The following MYO1H variants were observed in gnomAD, a reference collection of about 807,000 sequenced individuals.
The protein encoded by MYO1H is myosin IH.
Under a neutral mutation model 149.3 loss-of-function variants are expected in MYO1H, and 118 were observed. That is an observed-to-expected ratio of 0.79 (90% CI 0.68 to 0.92). MYO1H has a LOEUF of 0.92. Ranked by LOEUF, MYO1H falls within the 40% of genes least tolerant of loss-of-function variation. The probability of loss-of-function intolerance (pLI) is 0.00; values close to 1 mark genes in which losing one functional copy is unlikely to be tolerated. For missense variants in MYO1H, 1,212 were observed against 1,280.7 expected (o/e 0.95, Z 0.82); for synonymous variants, 447 against 465.2 (o/e 0.96, Z 0.50).
At chr12:109,403,954 TTAAG>T in intron 6 of MYO1H, 24 bp from the exon 7 acceptor site, 1 of 1,527,718 alleles carries the variant, frequency 6.5e-7, no homozygotes, top group African/African-American at 1.4e-5. Context: ...AAAAATGACA[TTAAG>T]TGACTCAAAC....
intron 14 of MYO1H, among the ~76,000 whole-genome samples, chr12:109,413,931 A>C (rs532319812): frequency 2.0e-5 from 3 of 152,046 alleles, no homozygotes; most frequent in Non-Finnish European, 4.4e-5. Context: ...AAAGGACTAC[A>C]TTCTATATAA....
exon 6 of MYO1H, chr12:109,401,252 C>G: frequency 6.2e-7 from 1 of 1,612,680 alleles, no homozygotes; most frequent in Non-Finnish European, 8.5e-7. Flanking sequence ...AGACCCCCAG[C>G]TGTATAAATA....
At chr12:109,446,058 TAAGA>T (rs1872466667) in intron 31 of MYO1H, 1 of 985,058 alleles carries the variant, frequency 1.0e-6, no homozygotes, top group African/African-American at 1.7e-5. Flanking sequence ...GAAAAATATG[TAAGA>T]AAGAAATGTG....
intron 28 of MYO1H, 64 bp from the exon 29 acceptor site, chr12:109,444,149 T>C: frequency 7.8e-7 from 1 of 1,286,568 alleles, no homozygotes; most frequent in Non-Finnish European, 1.1e-6. Context: ...GGCGTATCTC[T>C]TCTTCCTCTG....
chr12:109,393,189 C>T (rs958092966), intron 2 of MYO1H, 142 bp from the exon 3 acceptor site: 2 of 620,494 alleles, frequency 3.2e-6, no homozygotes, highest in African/African-American at 3.7e-5. Flanking sequence ...CCTCATACAC[C>T]TGCCATGTAA....
chr12:109,406,110 C>A, intron 8 of MYO1H, 75 bp downstream of exon 8: 2 of 953,256 alleles, frequency 2.1e-6, no homozygotes, highest in Non-Finnish European at 3.3e-6. Context: ...TGGGTGCCCA[C>A]AGTTAGGCCC....
the MYO1H span, among the ~76,000 whole-genome samples, chr12:109,316,877 A>C: frequency 1.3e-5 from 2 of 152,170 alleles, no homozygotes; most frequent in African/African-American, 4.8e-5. Flanking sequence ...AAACCTACCA[A>C]GTGCATATAT....
In MYO1H at chr12:109,364,171, TAA is replaced by T. The variant is rs746308903; in HGVS notation, c.12+16225_12+16226del. ...GGGCAACAGAGAGAGACCATGTCTT[TAA>T]AAAAAAAAAAAAAAAAAAAAAAAAA... On this transcript the variant is annotated intron_variant, in intron 1 of 31. Transcript: ENST00000310903. 6.3e-3 allele frequency among the ~76,000 whole-genome samples: 572 copies of T among 90,254 alleles called. 10 individuals are homozygous for T. The highest frequency in any genetic ancestry group is 0.021 in the African/African-American group (521 of 25,062). The allele number at this position is 90,254 out of a possible 152,430, so 59.2% of individuals were successfully genotyped here. A position where few individuals can be genotyped will look rare whatever the true frequency, so the allele number is the denominator to read the frequency against.
chr12:109,382,786 T>TTG (rs1402088589), intron 1 of MYO1H, among the ~76,000 whole-genome samples: 1 of 151,368 alleles, frequency 6.6e-6, no homozygotes, highest in Non-Finnish European at 1.5e-5. Context: ...TATATTGAGT[T>TTG]TGTTGTACTT....
chr12:109,390,722 T>A (rs1244984835), intron 2 of MYO1H, among the ~76,000 whole-genome samples: 1 of 151,784 alleles, frequency 6.6e-6, no homozygotes, highest in Non-Finnish European at 1.5e-5. Flanking sequence ...TGGGGTGCAG[T>A]GGCCCCGATC....
intron 18 of MYO1H, 62 bp from the exon 19 acceptor site, chr12:109,427,407 G>A: frequency 1.8e-6 from 2 of 1,091,458 alleles, no homozygotes; most frequent in Non-Finnish European, 2.8e-6. Context: ...CCTGTGATCT[G>A]CCTTGGTTGA....
intron 31 of MYO1H, 21 bp downstream of exon 31, chr12:109,445,633 G>A (rs1264533643): frequency 1.2e-6 from 2 of 1,603,460 alleles, no homozygotes; most frequent in Non-Finnish European, 1.7e-6. Flanking sequence ...GTCTCTGGGA[G>A]GGAAGTAAGC....
At chr12:109,408,034 G>A (rs1870479044) in intron 10 of MYO1H, 121 bp downstream of exon 10, 2 of 1,234,216 alleles carry the variant, frequency 1.6e-6, no homozygotes, top group African/African-American at 1.5e-5. Context: ...CAGAGATGGT[G>A]TCTTTCCCTA....
At chr12:109,378,334 T>TA (rs200108972) in intron 1 of MYO1H, among the ~76,000 whole-genome samples, 11,115 of 151,964 alleles carry the variant, frequency 0.073, 468 homozygotes, top group Middle Eastern at 0.12. Context: ...TTTATTTATT[T>TA]TTTTGAGATA....
chr12:109,445,599 G>A (rs1156546143), exon 31 of MYO1H: 1 of 1,612,428 alleles, frequency 6.2e-7, no homozygotes, highest in Non-Finnish European at 8.5e-7. Flanking sequence ...AATAAAAATG[G>A]ACAATTAACA....
At position 109,443,498 on chromosome 12, in the gene MYO1H, C is replaced by A; in HGVS notation, c.2689-16C>A. ...TCTGCCCCACCTTCCCTGGTGAAGT[C>A]ACCTTCCCCTTGCAGTATGGTGTCC... is the stretch of plus-strand genomic sequence containing the variant. On this transcript the variant is annotated splice_polypyrimidine_tract_variant and intron_variant, in intron 27 of 31. Coordinates refer to ENST00000310903, the Ensembl canonical transcript of MYO1H. The A allele has an allele frequency of 6.2e-7, 1 of 1,611,268 alleles. No individual in the cohort carries two copies.
At chr12:109,326,646 T>C in the MYO1H span, among the ~76,000 whole-genome samples, 1 of 151,520 alleles carries the variant, frequency 6.6e-6, no homozygotes, top group Admixed American at 6.6e-5. Context: ...CTCAGCCTCC[T>C]GAGTAGCCGG....
At chr12:109,324,300 C>T in the MYO1H span, among the ~76,000 whole-genome samples, 5,841 of 152,216 alleles carry the variant, frequency 0.038, 311 homozygotes, top group East Asian at 0.15. Context: ...AATCTAGCCC[C>T]GGAAGCCACA....
At chr12:109,415,861 T>G (rs978154152) in intron 15 of MYO1H, among the ~76,000 whole-genome samples, 1 of 152,186 alleles carries the variant, frequency 6.6e-6, no homozygotes, top group Non-Finnish European at 1.5e-5. Flanking sequence ...ATTCAGCAGT[T>G]TTTAGTATTA....
Sources: gnomAD v4.1 joint callset for allele counts (sites outside exome capture counted in the v4.1 genomes callset) on GRCh38, gnomAD v4.1.1 for gene constraint, MANE v1.5 for transcripts, NCBI Gene and HGNC (gene_info 2026-07-23, HGNC 2026-07-21) for gene names.